WWP1: variants seen among roughly 807,000 people sequenced by gnomAD.
WWP1 encodes the protein WW domain containing E3 ubiquitin protein ligase 1, also known as NEDD4-like E3 ubiquitin-protein ligase WWP1.
A neutral mutation model predicts 130.6 loss-of-function variants in WWP1; 49 were observed. The observed-to-expected ratio is 0.38, with a 90% confidence interval of 0.30 to 0.48. WWP1 has a LOEUF of 0.48. WWP1 is among the 20% of genes least tolerant of loss of function. The pLI is 0.99. For synonymous variants in WWP1, 332 were observed against 367.8 expected, an observed-to-expected ratio of 0.90 and a Z score of 1.11; for missense variants, 809 against 1,100.6, an observed-to-expected ratio of 0.74 and a Z score of 3.75.
In WWP1 at chr8:86,352,739, G is replaced by A. The variant is rs544532843; in HGVS notation, c.-115+9809G>A. ...AGCTTAACATCTGAACCTTCCAGAT[G>A]TTTAAAACAGCCTAAGATAATTGCC... On this transcript the variant is annotated intron_variant, in intron 1 of 24. Coordinates refer to ENST00000517970, the MANE Select transcript of WWP1 (RefSeq NM_007013.4). Among the ~76,000 whole-genome samples, 9 of 152,250 alleles carry A rather than the reference G, an allele frequency of 5.9e-5. No homozygotes were observed. In the South Asian group the frequency reaches 1.9e-3, roughly 32 times the overall value.
chr8:86,378,322 C>A (rs1018975278), intron 3 of WWP1, among the ~76,000 whole-genome samples: 7 of 151,960 alleles, frequency 4.6e-5, no homozygotes, highest in Non-Finnish European at 8.8e-5. Flanking sequence ...AGGAATATAT[C>A]ATATCATTTT....
At chr8:86,408,530 T>A (rs748970635) in intron 8 of WWP1, among the ~76,000 whole-genome samples, 5 of 152,244 alleles carry the variant, frequency 3.3e-5, no homozygotes, top group Non-Finnish European at 7.3e-5. Flanking sequence ...GAGAGTTGTT[T>A]ATTGTTTATT....
chr8:86,445,285 T>C (rs1810799623), intron 18 of WWP1, among the ~76,000 whole-genome samples: 1 of 152,166 alleles, frequency 6.6e-6, no homozygotes. Context: ...GAACCCATCA[T>C]GCTCAGGTAG....
At chr8:86,390,786 C>T (rs1292829190) in intron 5 of WWP1, among the ~76,000 whole-genome samples, 1 of 151,994 alleles carries the variant, frequency 6.6e-6, no homozygotes, top group Non-Finnish European at 1.5e-5. Context: ...GACCACTCCC[C>T]CATTCTACCA....
At chr8:86,460,923 C>T (rs1046679754) in intron 22 of WWP1, among the ~76,000 whole-genome samples, 7 of 149,496 alleles carry the variant, frequency 4.7e-5, no homozygotes, top group Non-Finnish European at 4.4e-5. Context: ...CATTCTCCTG[C>T]CTCAGCCTCT....
In WWP1 at chr8:86,458,043, T is replaced by G. The variant is rs191314772; in HGVS notation, c.2499+18T>G. The G allele has an allele frequency of 1.3e-6, 2 of 1,598,094 alleles. No individual in the cohort carries two copies. The highest frequency in any genetic ancestry group is 1.1e-5 in the South Asian group (1 of 90,234). ...TTTGGCAGGTATTTGCTTTTATCTT[T>G]TTTGAAACAAAGTACTCAACATATT... On this transcript the variant is annotated intron_variant, in intron 22 of 24. Coordinates refer to ENST00000517970, the MANE Select transcript of WWP1 (RefSeq NM_007013.4).
At chr8:86,344,783 C>A (rs1401980739) in intron 1 of WWP1, among the ~76,000 whole-genome samples, 2 of 152,078 alleles carry the variant, frequency 1.3e-5, no homozygotes, top group African/African-American at 4.8e-5. Context: ...CACAGAGTTC[C>A]TGTTTGGGGA....
intron 21 of WWP1, among the ~76,000 whole-genome samples, chr8:86,453,552 C>A (rs1293229427): frequency 1.3e-5 from 2 of 152,044 alleles, no homozygotes; most frequent in African/African-American, 4.8e-5. Context: ...TGGATATGTA[C>A]CAGGAGTGGT....
At chr8:86,361,974 GTATATA>G (rs34016613) in intron 1 of WWP1, among the ~76,000 whole-genome samples, 2 of 127,616 alleles carry the variant, frequency 1.6e-5, no homozygotes, top group Non-Finnish European at 3.4e-5. Context: ...GTGTGTGTGT[GTATATA>G]TATATATATA....
At chr8:86,450,469 C>T (rs1811119253) in intron 20 of WWP1, among the ~76,000 whole-genome samples, 1 of 152,100 alleles carries the variant, frequency 6.6e-6, no homozygotes, top group Non-Finnish European at 1.5e-5. Context: ...CAAAGTCCAA[C>T]AAAAATAAGT....
chr8:86,388,351 C>T (rs1825412142), intron 5 of WWP1, among the ~76,000 whole-genome samples: 1 of 151,988 alleles, frequency 6.6e-6, no homozygotes, highest in Non-Finnish European at 1.5e-5. Context: ...AACTCCTGGA[C>T]TCAAGCGATC....
At position 86,360,829 on chromosome 8, in the gene WWP1, T is replaced by C. The variant is rs147233371; in HGVS notation, c.-114-8110T>C. Among the ~76,000 whole-genome samples, 4 of 152,264 alleles carry C rather than the reference T, an allele frequency of 2.6e-5. No individual in the cohort carries two copies. In the East Asian group the frequency reaches 7.7e-4, roughly 29 times the overall value. On this transcript the variant is annotated intron_variant, in intron 1 of 24. Transcript: ENST00000517970. ...CTAGGACAGATAAAATAGGGCAAGG[T>C]GCTAGAGTTGGCCTATGGTGATCAG...
At chr8:86,449,532 A>T (rs990125405) in intron 20 of WWP1, among the ~76,000 whole-genome samples, 4 of 152,196 alleles carry the variant, frequency 2.6e-5, no homozygotes, top group Admixed American at 2.0e-4. Context: ...TCATTTTTTT[A>T]AAATGTAAAA....
chr8:86,431,735 G>A lies in WWP1; in HGVS notation c.1593G>A (p.Lys531=), dbSNP rs1200537385. The change falls in exon 14 of 25, where the codon AAG becomes AAA. Residue 531 remains lysine (K), a synonymous_variant. Transcript: ENST00000517970. Reference sequence around the variant, plus strand: ...CATTCAAAGATCCTCGCAATGGGAAGTCATCTGTGTGAGTGAAAACCTGAA... The same window carrying A: ...CATTCAAAGATCCTCGCAATGGGAAATCATCTGTGTGAGTGAAAACCTGAA... The part of the protein sequence containing the change: ...TTTFKDPRNG[K]SSVTKGGPQI... 3.1e-6 allele frequency: 5 copies of A among 1,613,764 alleles called. No individual in the cohort carries two copies. Among genetic ancestry groups the A allele is most frequent in the Non-Finnish European group, 4.2e-6 (5 of 1,179,892 alleles).
At chr8:86,458,775 T>C (rs1347950287) in intron 22 of WWP1, among the ~76,000 whole-genome samples, 2 of 152,296 alleles carry the variant, frequency 1.3e-5, no homozygotes, top group East Asian at 3.9e-4. Context: ...TTCATAAGGA[T>C]GTATGTTGTG....
rs184035999 is a variant in WWP1, at chr8:86,446,227, C to A, written c.1999-1921C>A. On this transcript the variant is annotated intron_variant, in intron 18 of 24. Transcript: ENST00000517970. ...GAACTCCTAACCTCAGGTGATCCGC[C>A]AACCTCGGCCTCCCCAAGTGCTGGG... 1.3e-3 allele frequency among the ~76,000 whole-genome samples: 195 copies of A among 152,238 alleles called. 2 individuals are homozygous for A. The East Asian group carries it at 0.024, about 19-fold the overall frequency.
intron 2 of WWP1, among the ~76,000 whole-genome samples, chr8:86,371,066 C>T (rs1273381498): frequency 7.0e-6 from 1 of 143,186 alleles, no homozygotes; most frequent in Non-Finnish European, 1.5e-5. Context: ...TTGGTAGAGG[C>T]GAGGCTTCAC....
intron 5 of WWP1, among the ~76,000 whole-genome samples, chr8:86,396,534 A>C (rs975827637): frequency 5.4e-5 from 8 of 148,284 alleles, no homozygotes; most frequent in African/African-American, 1.5e-4. Flanking sequence ...GGGGTATTCT[A>C]TAAGGTCTTC....
chr8:86,452,941 A>G (rs1173065998), intron 21 of WWP1, among the ~76,000 whole-genome samples: 1 of 152,190 alleles, frequency 6.6e-6, no homozygotes, highest in African/African-American at 2.4e-5. Context: ...TTGGAACATT[A>G]TTAATAATTC....
Sources: allele counts gnomAD v4.1 joint callset (sites outside exome capture counted in the v4.1 genomes callset), GRCh38; gene constraint gnomAD v4.1.1; transcripts MANE v1.5; gene names NCBI Gene and HGNC (gene_info 2026-07-23, HGNC 2026-07-21).